PARD3B: variants seen among roughly 807,000 people sequenced by gnomAD.
The protein encoded by PARD3B is par-3 family cell polarity regulator beta, also known as partitioning defective 3 homolog B.
Under a neutral mutation model 130.2 loss-of-function variants are expected in PARD3B, and 103 were observed. The observed-to-expected ratio is 0.79, with a 90% confidence interval of 0.67 to 0.93. The LOEUF is 0.93. Among genes scored for constraint, PARD3B ranks in the 40% least tolerant of loss-of-function variants. The pLI, the probability that PARD3B is intolerant of heterozygous loss-of-function variation, is 0.00. For synonymous variants in PARD3B, 583 were observed against 553.2 expected (o/e 1.05, Z -0.76); for missense variants, 1,609 against 1,499.2 (o/e 1.07, Z -1.21).
At chr2:204,625,643 C>T (rs750609257) in intron 1 of PARD3B, among the ~76,000 whole-genome samples, 1 of 152,158 alleles carries the variant, frequency 6.6e-6, no homozygotes, top group African/African-American at 2.4e-5. Flanking sequence ...CAATACATTG[C>T]TATTAGCTCT....
intron 2 of PARD3B, among the ~76,000 whole-genome samples, chr2:204,918,241 C>T (rs1416693069): frequency 6.6e-6 from 1 of 152,188 alleles, no homozygotes. Context: ...ACATTACAAA[C>T]AGGCAACTTG....
At chr2:204,996,233 T>C (rs1411050161) in intron 3 of PARD3B, among the ~76,000 whole-genome samples, 14 of 144,254 alleles carry the variant, frequency 9.7e-5, no homozygotes, top group Admixed American at 5.6e-4. Flanking sequence ...TGGTCTTTGA[T>C]GATGGTGATG....
intron 21 of PARD3B, among the ~76,000 whole-genome samples, chr2:205,519,947 C>G (rs1401012841): frequency 7.2e-5 from 11 of 152,048 alleles, no homozygotes; most frequent in Non-Finnish European, 1.6e-4. Flanking sequence ...TGTGGCTTCC[C>G]CTGTGTTTCC....
chr2:204,931,635 G>T (rs986897573), intron 2 of PARD3B, among the ~76,000 whole-genome samples: 2 of 151,314 alleles, frequency 1.3e-5, no homozygotes, highest in Non-Finnish European at 1.5e-5. Flanking sequence ...AATAGTATTG[G>T]CAAGCTTTCC....
chr2:205,384,870 G>T (rs530694174), intron 18 of PARD3B, among the ~76,000 whole-genome samples: 110 of 152,166 alleles, frequency 7.2e-4, no homozygotes, highest in African/African-American at 2.6e-3. Flanking sequence ...CTCCTGTAAT[G>T]CTGACATACT....
At chr2:204,954,647 C>T (rs1489472097) in intron 2 of PARD3B, among the ~76,000 whole-genome samples, 2 of 152,140 alleles carry the variant, frequency 1.3e-5, no homozygotes, top group Non-Finnish European at 2.9e-5. Flanking sequence ...ACCCCCAGGA[C>T]ATATGAAGCT....
chr2:204,995,033 C>G lies in PARD3B; in HGVS notation c.394+29710C>G, dbSNP rs552834550. ...CACTGATGGGTCTTGACTCTTTATC[C>G]AACTTGCCAGTCTGTGTCTTTTAAT... On this transcript the variant is annotated intron_variant, in intron 3 of 22. Coordinates refer to ENST00000406610, the MANE Select transcript of PARD3B (RefSeq NM_001302769.2). Among the ~76,000 whole-genome samples, 6 of 151,006 alleles carry G rather than the reference C, an allele frequency of 4.0e-5. No individual in the cohort carries two copies. The East Asian group carries it at 1.2e-3, about 29-fold the overall frequency.
intron 2 of PARD3B, among the ~76,000 whole-genome samples, chr2:204,866,621 G>C (rs567615558): frequency 6.6e-6 from 1 of 151,670 alleles, no homozygotes; most frequent in South Asian, 2.1e-4. Context: ...GATGATTGTA[G>C]ATTATGTTCT....
intron 22 of PARD3B, among the ~76,000 whole-genome samples, chr2:205,606,276 G>A (rs1356553961): frequency 6.6e-6 from 1 of 152,164 alleles, no homozygotes; most frequent in Non-Finnish European, 1.5e-5. Context: ...TGATCCATGG[G>A]TTACACGGAA....
chr2:204,900,797 T>C (rs1575253217), intron 2 of PARD3B, among the ~76,000 whole-genome samples: 3 of 152,160 alleles, frequency 2.0e-5, no homozygotes, highest in Non-Finnish European at 4.4e-5. Flanking sequence ...GGGACTTAGA[T>C]GTTGTAATCT....
At chr2:204,619,847 T>G (rs964846753) in intron 1 of PARD3B, among the ~76,000 whole-genome samples, 4 of 152,160 alleles carry the variant, frequency 2.6e-5, no homozygotes, top group African/African-American at 9.7e-5. Flanking sequence ...TAATAATGGC[T>G]TAACACAGGC....
At chr2:204,722,046 G>C (rs1233757005) in intron 2 of PARD3B, among the ~76,000 whole-genome samples, 1 of 152,110 alleles carries the variant, frequency 6.6e-6, no homozygotes, top group Non-Finnish European at 1.5e-5. Context: ...ACCTCTGTTA[G>C]ATAATCATTA....
At chr2:204,547,530 A>C (rs564600765) in intron 1 of PARD3B, among the ~76,000 whole-genome samples, 1 of 152,332 alleles carries the variant, frequency 6.6e-6, no homozygotes, top group South Asian at 2.1e-4. Context: ...TTGCTGTTTA[A>C]ATCATGTAAT....
intron 21 of PARD3B, among the ~76,000 whole-genome samples, chr2:205,526,375 C>A (rs935590257): frequency 2.0e-5 from 3 of 152,300 alleles, no homozygotes; most frequent in East Asian, 3.9e-4. Context: ...AAGGTGATTC[C>A]AGTATTGCCA....
At position 205,470,632 on chromosome 2, in the gene PARD3B, G is replaced by A. The variant is rs2048792805; in HGVS notation, c.3045-29264G>A. On this transcript the variant is annotated intron_variant, in intron 20 of 22. Coordinates refer to ENST00000406610, the MANE Select transcript of PARD3B (RefSeq NM_001302769.2). This position sits in a 1 kb window ranked among gnomAD's most constrained non-coding sequence, Gnocchi z 4.8. The stretch of plus-strand genomic sequence containing the variant: ...AAGGCATACAGGCAGGTCACTATCA[G>A]CATTTCCAGGGCAACCCTGTCTCCC... Among the ~76,000 whole-genome samples, 1 of 152,184 alleles carries A rather than the reference G, an allele frequency of 6.6e-6. No homozygotes were observed. The highest frequency in any genetic ancestry group is 1.5e-5 in the Non-Finnish European group (1 of 68,034).
At chr2:204,692,570 G>A (rs2037404634) in intron 2 of PARD3B, among the ~76,000 whole-genome samples, 1 of 151,280 alleles carries the variant, frequency 6.6e-6, no homozygotes, top group Non-Finnish European at 1.5e-5. Context: ...GATTTCCATC[G>A]CAAGCTAAAG....
intron 3 of PARD3B, among the ~76,000 whole-genome samples, chr2:205,046,225 G>A (rs895523254): frequency 8.6e-5 from 13 of 151,460 alleles, no homozygotes; most frequent in African/African-American, 3.2e-4. Flanking sequence ...AAATTTTATG[G>A]TACTTTTTCT....
At position 204,673,056 on chromosome 2, in the gene PARD3B, A is replaced by G. The variant is rs1007211133; in HGVS notation, c.121-13125A>G. ...TCTCACAATCCAGTGAGGGTAGAGGATATTGTTCCCATTTATGAGTGGTAA... is the reference window on the plus strand; with the variant it reads ...TCTCACAATCCAGTGAGGGTAGAGGGTATTGTTCCCATTTATGAGTGGTAA... On this transcript the variant is annotated intron_variant, in intron 1 of 22. Transcript: ENST00000406610. The surrounding 1 kb of genome is among the most constrained non-coding windows in gnomAD (Gnocchi z 4.7). 6.6e-6 allele frequency among the ~76,000 whole-genome samples: 1 copy of G among 152,164 alleles called. No individual in the cohort carries two copies. The highest frequency in any genetic ancestry group is 1.5e-5 in the Non-Finnish European group (1 of 68,030).
intron 2 of PARD3B, among the ~76,000 whole-genome samples, chr2:204,717,523 G>A (rs149618132): frequency 8.6e-4 from 131 of 152,216 alleles, no homozygotes; most frequent in African/African-American, 3.1e-3. Flanking sequence ...GCTAGTTTAG[G>A]TGTCTGGTGG....
Sources: gnomAD v4.1 joint callset for allele counts (sites outside exome capture counted in the v4.1 genomes callset) on GRCh38, gnomAD v4.1.1 for gene constraint, Gnocchi (gnomAD v3.1) non-coding constraint, MANE v1.5 for transcripts, NCBI Gene and HGNC (gene_info 2026-07-23, HGNC 2026-07-21) for gene names.